CPED1: variants seen among roughly 807,000 people sequenced by gnomAD.
The protein encoded by CPED1 is cadherin like and PC-esterase domain containing 1.
Under a neutral mutation model 128.2 loss-of-function variants are expected in CPED1, and 114 were observed. The ratio of observed to expected loss-of-function variants is 0.89; its 90% CI spans 0.76 to 1.04. CPED1 has a LOEUF of 1.04. CPED1 is among the 50% of genes least tolerant of loss of function. The pLI, the probability that CPED1 is intolerant of heterozygous loss-of-function variation, is 0.00. For synonymous variants in CPED1, 462 were observed against 426.7 expected (o/e 1.08, Z -1.02); for missense variants, 1,211 against 1,207.1 (o/e 1.00, Z -0.05).
At chr7:121,142,914 G>T (rs984139158) in intron 16 of CPED1, among the ~76,000 whole-genome samples, 1 of 151,864 alleles carries the variant, frequency 6.6e-6, no homozygotes, top group African/African-American at 2.4e-5. Context: ...ATATATTACT[G>T]GGAGCTTTGA....
intron 16 of CPED1, among the ~76,000 whole-genome samples, chr7:121,159,530 T>C (rs1403787989): frequency 6.6e-6 from 1 of 152,220 alleles, no homozygotes; most frequent in Admixed American, 6.5e-5. Context: ...TATTTAAATA[T>C]TAAAATGTTT....
chr7:121,061,209 A>G lies in CPED1; in HGVS notation c.541-3029A>G, dbSNP rs527708619. 3.1e-4 allele frequency: 294 copies of G among 960,920 alleles called. 1 individual carries two copies. In the African/African-American group the frequency reaches 4.8e-3, roughly 16 times the overall value. The allele number at this position is 960,920 out of a possible 1,614,324, so 59.5% of individuals were successfully genotyped here. A position where few individuals can be genotyped will look rare whatever the true frequency, so the allele number is the denominator to read the frequency against. On this transcript the variant is annotated intron_variant, in intron 4 of 22. Coordinates refer to ENST00000310396, the MANE Select transcript of CPED1 (RefSeq NM_024913.5). Reference sequence around the variant, plus strand: ...GACACATTAGGATTGTGAAAGGTATATTGGGATAGAAATCTCTTCTAATGC... The same window carrying G: ...GACACATTAGGATTGTGAAAGGTATGTTGGGATAGAAATCTCTTCTAATGC...
intron 22 of CPED1, among the ~76,000 whole-genome samples, chr7:121,271,799 C>T (rs1043611609): frequency 4.6e-5 from 7 of 152,156 alleles, no homozygotes; most frequent in South Asian, 2.1e-4. Flanking sequence ...TTGCAAAGCA[C>T]GACTACTTAA....
intron 5 of CPED1, among the ~76,000 whole-genome samples, chr7:121,089,829 C>T (rs554545070): frequency 6.6e-6 from 1 of 152,070 alleles, no homozygotes; most frequent in Non-Finnish European, 1.5e-5. Context: ...AAATTATCCA[C>T]CTTTGGTCTT....
intron 16 of CPED1, among the ~76,000 whole-genome samples, chr7:121,232,112 A>T (rs1584617038): frequency 1.3e-5 from 2 of 152,080 alleles, no homozygotes; most frequent in African/African-American, 4.8e-5. Flanking sequence ...AGACAAGAAG[A>T]AGTAAACTTC....
chr7:121,047,029 C>T (rs1457493539), intron 4 of CPED1, 36 bp downstream of exon 4: 1 of 1,313,750 alleles, frequency 7.6e-7, no homozygotes, highest in South Asian at 1.2e-5. Context: ...ATTTTATCAG[C>T]CCTACAGATA....
At chr7:121,229,032 C>T (rs1563072541) in intron 16 of CPED1, among the ~76,000 whole-genome samples, 1 of 151,838 alleles carries the variant, frequency 6.6e-6, no homozygotes, top group Non-Finnish European at 1.5e-5. Context: ...AGGGTACAAA[C>T]ATACAGTAAG....
In CPED1 at chr7:121,066,617, C is replaced by G. The variant is rs547321175; in HGVS notation, c.616+2304C>G. The stretch of plus-strand genomic sequence containing the variant: ...GTCAAAAACTGTGAAGATCTTACCC[C>G]CTCTCACAAGCTTACAGGTCAACCT... On this transcript the variant is annotated intron_variant, in intron 5 of 22. Transcript: ENST00000310396. 3.6e-3 allele frequency among the ~76,000 whole-genome samples: 553 copies of G among 152,154 alleles called. 5 individuals are homozygous for G. Among genetic ancestry groups the G allele is most frequent in the Middle Eastern group, 0.01 (3 of 292 alleles).
intron 16 of CPED1, among the ~76,000 whole-genome samples, chr7:121,161,075 T>A (rs945496488): frequency 3.9e-5 from 6 of 152,180 alleles, no homozygotes; most frequent in Non-Finnish European, 8.8e-5. Context: ...GTGTTACTTT[T>A]TTTATTGCTG....
rs1019628360 is a variant in CPED1, at chr7:121,224,604, G to A, written c.2056-12110G>A. On this transcript the variant is annotated intron_variant, in intron 16 of 22. Transcript: ENST00000310396. Reference sequence around the variant, plus strand: ...ATGGTATGGAAATCTAAGTCTCTTTGTAGGTCACTAAGGACTTGCTTTATG... The same window carrying A: ...ATGGTATGGAAATCTAAGTCTCTTTATAGGTCACTAAGGACTTGCTTTATG... Among the ~76,000 whole-genome samples the A allele has an allele frequency of 6.6e-5, 10 of 152,126 alleles. No individual in the cohort carries two copies. In the South Asian group the frequency reaches 2.1e-3, roughly 32 times the overall value.
At chr7:121,271,568 C>T (rs975018647) in intron 22 of CPED1, 138 bp downstream of exon 22, 18 of 827,208 alleles carry the variant, frequency 2.2e-5, no homozygotes, top group African/African-American at 6.9e-5. Flanking sequence ...ATATGTTCAT[C>T]ATCATTCAGC....
chr7:121,051,651 T>A, intron 4 of CPED1: 1 of 325,710 alleles, frequency 3.1e-6, no homozygotes, highest in Non-Finnish European at 5.8e-6. Flanking sequence ...TCCTTGATCC[T>A]GGCTTCTCCC....
At chr7:121,181,725 A>G (rs1796900497) in intron 16 of CPED1, among the ~76,000 whole-genome samples, 1 of 152,108 alleles carries the variant, frequency 6.6e-6, no homozygotes, top group East Asian at 1.9e-4. Flanking sequence ...TATATCATCC[A>G]TAAGTATGAG....
chr7:121,153,493 A>C (rs577203506), intron 16 of CPED1, among the ~76,000 whole-genome samples: 1 of 152,224 alleles, frequency 6.6e-6, no homozygotes, highest in Non-Finnish European at 1.5e-5. Flanking sequence ...GTTAGGTTCT[A>C]TTCTAATTGC....
intron 16 of CPED1, among the ~76,000 whole-genome samples, chr7:121,156,267 A>G (rs1337166626): frequency 3.3e-5 from 5 of 152,208 alleles, no homozygotes; most frequent in Non-Finnish European, 7.3e-5. Context: ...GCCGCTATGG[A>G]GAACAGTATG....
chr7:121,010,186 G>A (rs1269236374), intron 2 of CPED1, among the ~76,000 whole-genome samples: 1 of 152,116 alleles, frequency 6.6e-6, no homozygotes, highest in Non-Finnish European at 1.5e-5. Context: ...GTGATAATGG[G>A]TTTTGGTGAT....
intron 21 of CPED1, among the ~76,000 whole-genome samples, chr7:121,270,424 A>T (rs1429978565): frequency 6.6e-6 from 1 of 152,040 alleles, no homozygotes. Context: ...TTTTGGTACA[A>T]TTGTTTTTGA....
chr7:121,165,975 A>G (rs1312260408), intron 16 of CPED1, among the ~76,000 whole-genome samples: 2 of 152,224 alleles, frequency 1.3e-5, no homozygotes, highest in Non-Finnish European at 1.5e-5. Context: ...AGTTTTAGAA[A>G]CATTGTAATG....
chr7:121,021,555 A>G (rs1427782506), intron 3 of CPED1, among the ~76,000 whole-genome samples: 1 of 151,978 alleles, frequency 6.6e-6, no homozygotes, highest in African/African-American at 2.4e-5. Context: ...TAAATTGCCC[A>G]TAAGTAAGAC....
Sources: gnomAD v4.1 joint callset for allele counts (sites outside exome capture counted in the v4.1 genomes callset) on GRCh38, gnomAD v4.1.1 for gene constraint, MANE v1.5 for transcripts, NCBI Gene and HGNC (gene_info 2026-07-23, HGNC 2026-07-21) for gene names.